TSPAN7: variants seen among roughly 807,000 people sequenced by gnomAD.
TSPAN7 encodes the protein tetraspanin-7.
Under a neutral mutation model 17.6 loss-of-function variants are expected in TSPAN7, and 1 was observed. The observed-to-expected ratio is 0.06, with a 90% CI of 0.02 to 0.27. The LOEUF is 0.27. Among genes scored for constraint, TSPAN7 ranks in the 10% least tolerant of loss-of-function variants. The pLI is 1.00. For synonymous variants in TSPAN7, 78 were observed against 79.0 expected (o/e 0.99, Z 0.07); for missense variants, 112 against 201.7 (o/e 0.56, Z 2.69).
At chrX:38,623,426 C>T (rs1349708747) in intron 1 of TSPAN7, among the ~76,000 whole-genome samples, 1 of 109,645 alleles carries the variant, frequency 9.1e-6, no homozygotes, top group Non-Finnish European at 1.9e-5. Context: ...AAAGCACCAC[C>T]TTCTCTTGGC....
intron 6 of TSPAN7, among the ~76,000 whole-genome samples, chrX:38,682,261 A>T (rs1215902039): frequency 8.9e-6 from 1 of 112,102 alleles, no homozygotes; most frequent in African/African-American, 3.2e-5. Flanking sequence ...AGGCTATCTC[A>T]GACTCTAATT....
chrX:38,594,797 A>G (rs2069310091), intron 1 of TSPAN7, among the ~76,000 whole-genome samples: 1 of 112,145 alleles, frequency 8.9e-6, no homozygotes, highest in African/African-American at 3.2e-5. Flanking sequence ...AATGATTGCC[A>G]TGGTCAAATT....
At chrX:38,610,854 A>G (rs745534255) in intron 1 of TSPAN7, among the ~76,000 whole-genome samples, 1 of 112,428 alleles carries the variant, frequency 8.9e-6, no homozygotes, top group Non-Finnish European at 1.9e-5. Context: ...TAGAAAAGTC[A>G]AGGTATAAAT....
At chrX:38,596,277 C>T (rs1475230265) in intron 1 of TSPAN7, among the ~76,000 whole-genome samples, 1 of 111,213 alleles carries the variant, frequency 9.0e-6, no homozygotes, top group Non-Finnish European at 1.9e-5. Flanking sequence ...TTCCTTAATG[C>T]TGCTAATGGT....
In TSPAN7 at chrX:38,567,790, G is replaced by A. The variant is rs776610318; in HGVS notation, c.81+6163G>A. Reference sequence around the variant, plus strand: ...TCCCACTATGGAAGATGAAGATTTAGCTCTCTTGCCCTTTTCTCCCATACT... The same window carrying A: ...TCCCACTATGGAAGATGAAGATTTAACTCTCTTGCCCTTTTCTCCCATACT... On this transcript the variant is annotated intron_variant, in intron 1 of 7. Coordinates refer to ENST00000378482, the MANE Select transcript of TSPAN7 (RefSeq NM_004615.4). Among the ~76,000 whole-genome samples, 6 of 111,769 alleles carry A rather than the reference G, an allele frequency of 5.4e-5. No individual in the cohort carries two copies. In the South Asian group the frequency reaches 2.2e-3, roughly 42 times the overall value.
intron 1 of TSPAN7, among the ~76,000 whole-genome samples, chrX:38,628,842 T>A (rs937769556): frequency 1.8e-5 from 2 of 112,105 alleles, no homozygotes; most frequent in African/African-American, 6.5e-5. Context: ...TTAAGGTTTG[T>A]GCAATGCAGG....
intron 1 of TSPAN7, among the ~76,000 whole-genome samples, chrX:38,642,780 T>C (rs1357826661): frequency 9.0e-6 from 1 of 111,727 alleles, no homozygotes; most frequent in Non-Finnish European, 1.9e-5. Flanking sequence ...CATGTAATCT[T>C]GGGCAGTTTA....
chrX:38,591,978 C>T (rs113914341), intron 1 of TSPAN7, among the ~76,000 whole-genome samples: 10 of 111,589 alleles, frequency 9.0e-5, no homozygotes, highest in African/African-American at 2.6e-4. Context: ...GCATGGCTGG[C>T]GGAGGCCTCA....
intron 1 of TSPAN7, among the ~76,000 whole-genome samples, chrX:38,583,904 G>A (rs756384173): frequency 9.4e-6 from 1 of 105,978 alleles, no homozygotes; most frequent in East Asian, 3.0e-4. Flanking sequence ...AATTATTTTA[G>A]CATGAAGAAA....
chrX:38,573,795 G>A (rs1292608668), intron 1 of TSPAN7, among the ~76,000 whole-genome samples: 3 of 111,283 alleles, frequency 2.7e-5, no homozygotes, highest in African/African-American at 6.5e-5. Context: ...CCCTCAATTT[G>A]GATTTGCCTG....
intron 1 of TSPAN7, among the ~76,000 whole-genome samples, chrX:38,640,479 A>G (rs770843926): frequency 4.5e-5 from 5 of 111,613 alleles, no homozygotes; most frequent in Non-Finnish European, 9.4e-5. Context: ...CTGAAATGGA[A>G]CCCAGGCCAA....
At chrX:38,674,430 A>T in intron 4 of TSPAN7, 114 bp downstream of exon 4, 1 of 656,830 alleles carries the variant, frequency 1.5e-6, no homozygotes, top group Non-Finnish European at 2.4e-6. Flanking sequence ...TTCAACTCTT[A>T]GTCCAGTTCC....
intron 1 of TSPAN7, among the ~76,000 whole-genome samples, chrX:38,565,115 T>G (rs2069135202): frequency 8.9e-6 from 1 of 112,545 alleles, no homozygotes; most frequent in African/African-American, 3.2e-5. Flanking sequence ...TTGGTAAATC[T>G]TTCTTCAGCA....
chrX:38,577,389 A>G (rs2069200057), intron 1 of TSPAN7, among the ~76,000 whole-genome samples: 1 of 110,788 alleles, frequency 9.0e-6, no homozygotes, highest in Non-Finnish European at 1.9e-5. Flanking sequence ...CCTGGAGAGC[A>G]GATCTGACCT....
At chrX:38,617,075 C>T (rs1434111273) in intron 1 of TSPAN7, among the ~76,000 whole-genome samples, 1 of 111,857 alleles carries the variant, frequency 8.9e-6, no homozygotes, top group Non-Finnish European at 1.9e-5. Flanking sequence ...GGCTCAAAAG[C>T]AGCCACAGTG....
chrX:38,613,412 T>G (rs1185381430), intron 1 of TSPAN7, among the ~76,000 whole-genome samples: 1 of 112,234 alleles, frequency 8.9e-6, no homozygotes, highest in African/African-American at 3.2e-5. Flanking sequence ...TTCTCAGATG[T>G]CTGGTAATCC....
chrX:38,667,200 G>A (rs1188492581), intron 2 of TSPAN7, among the ~76,000 whole-genome samples: 1 of 111,661 alleles, frequency 9.0e-6, no homozygotes, highest in African/African-American at 3.3e-5. Context: ...ATACTCTCAT[G>A]GGACAGATAA....
intron 2 of TSPAN7, 92 bp downstream of exon 2, chrX:38,666,401 C>T (rs2069781934): frequency 1.1e-6 from 1 of 933,881 alleles, no homozygotes; most frequent in African/African-American, 1.9e-5. Context: ...CTTGAGGTCA[C>T]AGACAAGACC....
chrX:38,569,015 G>T (rs910998691), intron 1 of TSPAN7, among the ~76,000 whole-genome samples: 53 of 110,648 alleles, frequency 4.8e-4, no homozygotes, highest in African/African-American at 1.7e-3. Context: ...TAATTTTTTT[G>T]AGTTTGCTTC....
Sources: gnomAD v4.1 joint callset for allele counts (sites outside exome capture counted in the v4.1 genomes callset) on GRCh38, gnomAD v4.1.1 for gene constraint, MANE v1.5 for transcripts, NCBI Gene and HGNC (gene_info 2026-07-23, HGNC 2026-07-21) for gene names.